Variants in MARCHF3 observed in about 807,000 individuals in gnomAD.
MARCHF3 encodes the protein E3 ubiquitin-protein ligase MARCHF3.
In MARCHF3, 13 loss-of-function variants were observed where a neutral mutation model predicts 24.2. The ratio of observed to expected loss-of-function variants is 0.54; its 90% CI spans 0.35 to 0.85. MARCHF3 has a LOEUF of 0.85. Among genes scored for constraint, MARCHF3 ranks in the 40% least tolerant of loss-of-function variants. MARCHF3 has a pLI of 0.01. For synonymous variants in MARCHF3, 144 were observed against 137.3 expected (o/e 1.05, Z -0.34); for missense variants, 276 against 325.0 (o/e 0.85, Z 1.16).
At chr5:126,929,045 C>T (rs1749392094) in intron 1 of MARCHF3, among the ~76,000 whole-genome samples, 1 of 152,264 alleles carries the variant, frequency 6.6e-6, no homozygotes, top group Admixed American at 6.5e-5. Context: ...GTTTAAATGG[C>T]CCAAACAAGT....
At chr5:126,910,972 C>A (rs112098479) in intron 3 of MARCHF3, among the ~76,000 whole-genome samples, 10 of 152,294 alleles carry the variant, frequency 6.6e-5, no homozygotes, top group African/African-American at 2.2e-4. Flanking sequence ...ATGGCTGCTT[C>A]GGGGGCAGCC....
intron 1 of MARCHF3, among the ~76,000 whole-genome samples, chr5:126,928,865 T>A (rs1356584327): frequency 6.6e-6 from 1 of 152,230 alleles, no homozygotes; most frequent in Non-Finnish European, 1.5e-5. Flanking sequence ...CAGAAATCAG[T>A]CATTTCACCC....
chr5:126,883,988 T>C (rs1753424847), intron 3 of MARCHF3, among the ~76,000 whole-genome samples: 1 of 152,256 alleles, frequency 6.6e-6, no homozygotes, highest in Non-Finnish European at 1.5e-5. Context: ...CAGTGTTTAC[T>C]CACTTGGGCT....
chr5:126,985,082 T>C (rs1485865603), intron 1 of MARCHF3, among the ~76,000 whole-genome samples: 3 of 152,086 alleles, frequency 2.0e-5, no homozygotes, highest in East Asian at 3.9e-4. Flanking sequence ...GTGGGAGAAA[T>C]TTAATTCAGA....
At chr5:126,890,352 A>G (rs1176849641) in intron 3 of MARCHF3, among the ~76,000 whole-genome samples, 3 of 151,112 alleles carry the variant, frequency 2.0e-5, no homozygotes, top group Non-Finnish European at 4.4e-5. Flanking sequence ...TTAGTTACAT[A>G]TGTATACATG....
chr5:126,914,732 T>C (rs1174772397), intron 3 of MARCHF3, 198 bp downstream of exon 3: 4 of 609,302 alleles, frequency 6.6e-6, no homozygotes, highest in African/African-American at 5.6e-5. Flanking sequence ...AGCTCTCCCT[T>C]CTCTGTGTCT....
At chr5:126,955,975 GA>G (rs1461800954) in intron 1 of MARCHF3, among the ~76,000 whole-genome samples, 2 of 152,190 alleles carry the variant, frequency 1.3e-5, no homozygotes, top group East Asian at 3.9e-4. Context: ...ATTTGTATGG[GA>G]TGAGACATTA....
At chr5:126,968,686 G>A (rs982776548) in intron 1 of MARCHF3, among the ~76,000 whole-genome samples, 9 of 152,036 alleles carry the variant, frequency 5.9e-5, no homozygotes, top group East Asian at 1.9e-4. Flanking sequence ...AGTGATTCTC[G>A]TGTGTAGTCT....
chr5:127,026,413 G>A (rs755420684), intron 1 of MARCHF3, among the ~76,000 whole-genome samples: 6 of 152,210 alleles, frequency 3.9e-5, no homozygotes, highest in Non-Finnish European at 7.3e-5. Context: ...AGGCTTTGCC[G>A]CTTTTGTAAT....
chr5:126,987,848 T>G (rs1002421671), intron 1 of MARCHF3, among the ~76,000 whole-genome samples: 2 of 152,020 alleles, frequency 1.3e-5, no homozygotes, highest in Non-Finnish European at 2.9e-5. Context: ...CTGCCTTAGG[T>G]CCATGCACTG....
intron 3 of MARCHF3, among the ~76,000 whole-genome samples, chr5:126,909,677 C>T (rs1040144667): frequency 7.2e-5 from 11 of 152,188 alleles, no homozygotes; most frequent in South Asian, 4.1e-4. Context: ...GGCTCGCACA[C>T]GGTGCCCGCA....
intron 1 of MARCHF3, among the ~76,000 whole-genome samples, chr5:126,961,199 A>G (rs1285569036): frequency 6.6e-6 from 1 of 152,172 alleles, no homozygotes; most frequent in Non-Finnish European, 1.5e-5. Context: ...AAATATAGCA[A>G]GCACAAACAC....
intron 1 of MARCHF3, among the ~76,000 whole-genome samples, chr5:126,959,503 T>C (rs1750568594): frequency 6.6e-6 from 1 of 152,164 alleles, no homozygotes; most frequent in Admixed American, 6.5e-5. Context: ...GATGGGATCC[T>C]GAAACACAAA....
At chr5:126,994,858 G>T (rs78051241) in intron 1 of MARCHF3, among the ~76,000 whole-genome samples, 7,856 of 152,308 alleles carry the variant, frequency 0.052, 377 homozygotes, top group South Asian at 0.14. Context: ...GCCTTCAGCC[G>T]GTGGCCGAAG....
At chr5:126,955,779 T>C (rs1317890596) in intron 1 of MARCHF3, among the ~76,000 whole-genome samples, 1 of 152,242 alleles carries the variant, frequency 6.6e-6, no homozygotes, top group Admixed American at 6.5e-5. Flanking sequence ...GCTTTACTCA[T>C]AGAGGCTTTT....
chr5:127,007,540 T>C (rs12652417), intron 1 of MARCHF3, among the ~76,000 whole-genome samples: 1 of 152,066 alleles, frequency 6.6e-6, no homozygotes, highest in African/African-American at 2.4e-5. Flanking sequence ...TCCAATATAT[T>C]CATTCTTAAT....
intron 1 of MARCHF3, among the ~76,000 whole-genome samples, chr5:127,014,156 G>A (rs995561153): frequency 2.6e-5 from 4 of 151,922 alleles, no homozygotes; most frequent in Non-Finnish European, 4.4e-5. Flanking sequence ...ATCTGATAAG[G>A]GATTAATATC....
intron 1 of MARCHF3, among the ~76,000 whole-genome samples, chr5:126,964,137 G>C (rs540922750): frequency 1.4e-4 from 22 of 152,252 alleles, no homozygotes; most frequent in Middle Eastern, 3.4e-3. Context: ...CATAACCTCT[G>C]CATTCTTTTT....
intron 1 of MARCHF3, among the ~76,000 whole-genome samples, chr5:126,982,860 T>C (rs1023495720): frequency 2.0e-5 from 3 of 152,216 alleles, no homozygotes; most frequent in African/African-American, 7.2e-5. Context: ...TGAATTGTTT[T>C]TGTTATACCA....
Sources: gnomAD v4.1 joint callset for allele counts (sites outside exome capture counted in the v4.1 genomes callset) on GRCh38, gnomAD v4.1.1 for gene constraint, MANE v1.5 for transcripts, NCBI Gene and HGNC (gene_info 2026-07-23, HGNC 2026-07-21) for gene names.